UMPS: variants seen among roughly 807,000 people sequenced by gnomAD.
UMPS encodes uridine monophosphate synthetase.
In UMPS, 21 loss-of-function variants were observed where a neutral mutation model predicts 38.9. The observed-to-expected ratio is 0.54, with a 90% CI of 0.38 to 0.78. The LOEUF (loss-of-function observed/expected upper bound fraction) is 0.78. UMPS is among the 30% of genes least tolerant of loss of function. UMPS has a pLI of 0.00. For missense variants in UMPS, 533 were observed against 591.6 expected, an observed-to-expected ratio of 0.90 and a Z score of 1.03; for synonymous variants, 208 against 219.3, an observed-to-expected ratio of 0.95 and a Z score of 0.45.
chr3:124,734,139 A>G (rs2063499976), intron 1 of UMPS, among the ~76,000 whole-genome samples: 1 of 152,160 alleles, frequency 6.6e-6, no homozygotes, highest in African/African-American at 2.4e-5. Context: ...AGTACTAGAA[A>G]TTACATTCTC....
chr3:124,738,175 G>A lies in UMPS; in HGVS notation c.918G>A (p.Glu306=), dbSNP rs754267182. Residue 306 remains glutamate (E), a synonymous_variant, in exon 3 of 6, where the codon GAG becomes GAA. Coordinates refer to ENST00000232607, the MANE Select transcript of UMPS (RefSeq NM_000373.4). ...TGATAACTCTGGCAAAATGCCATGAGTTCTTGATATTTGAAGACCGGAAGT... is the reference window on the plus strand; with the variant it reads ...TGATAACTCTGGCAAAATGCCATGAATTCTTGATATTTGAAGACCGGAAGT... ...KELITLAKCH[E]FLIFEDRKFA... is the part of the protein sequence containing the mutation. 1.2e-6 allele frequency: 2 copies of A among 1,614,190 alleles called. No homozygotes were observed. Among genetic ancestry groups the A allele is most frequent in the East Asian group, 2.2e-5 (1 of 44,890 alleles).
rs570945751 is a variant in UMPS at position 124,744,951 on chromosome 3, CT to C, written c.*868del. On this transcript the variant is annotated 3_prime_UTR_variant, in exon 6 of 6. Transcript: ENST00000232607. ...GGGGAAGGTGACTATAGCTCAGCTC[CT>C]GAGCTAGTATCTGGCTGTTATTTCA... The C allele has an allele frequency of 3.6e-3, 1,655 of 454,076 alleles. 5 individuals are homozygous for C. The highest frequency in any genetic ancestry group is 5.2e-3 in the Non-Finnish European group (1,184 of 226,786). The allele number at this position is 454,076 out of a possible 1,614,324, so 28.1% of individuals were successfully genotyped here. A position where few individuals can be genotyped will look rare whatever the true frequency, so the allele number is the denominator to read the frequency against.
intron 1 of UMPS, among the ~76,000 whole-genome samples, chr3:124,734,185 T>C (rs34062648): frequency 6.6e-6 from 1 of 151,890 alleles, no homozygotes; most frequent in Non-Finnish European, 1.5e-5. Flanking sequence ...TTTTTGTTTG[T>C]TTTTTTACTC....
chr3:124,744,205 T>G lies in UMPS; in HGVS notation c.*121T>G. The G allele has an allele frequency of 4.3e-6, 5 of 1,172,882 alleles. No homozygotes were observed. Among genetic ancestry groups the G allele is most frequent in the Non-Finnish European group, 6.2e-6 (5 of 806,776 alleles). 72.7% of individuals were successfully genotyped at this position (1,172,882 alleles called of 1,614,324 possible). On this transcript the variant is annotated 3_prime_UTR_variant, in exon 6 of 6. Transcript: ENST00000232607. ...CTTGGATTCTTCCACAGGGCCTGTG[T>G]AAGAATGGGTTCTGGAGTTCTCATG... is the stretch of plus-strand genomic sequence containing the variant.
intron 3 of UMPS, 22 bp from the exon 4 acceptor site, chr3:124,740,002 C>CT (rs777311102): frequency 7.4e-6 from 12 of 1,613,234 alleles, no homozygotes; most frequent in South Asian, 1.1e-5. Context: ...CAGCAAATAT[C>CT]TTTTTTCCCC....
At position 124,733,090 on chromosome 3, in the gene UMPS, A is replaced by C. The variant is rs1180620610; in HGVS notation, c.157-2003A>C. On this transcript the variant is annotated intron_variant, in intron 1 of 5. Coordinates refer to ENST00000232607, the MANE Select transcript of UMPS (RefSeq NM_000373.4). Reference sequence around the variant, plus strand: ...ACATCTTATGCGAATAGAATTTCTCAGTATTTACACCCCAAAAAGCAATAT... The same window carrying C: ...ACATCTTATGCGAATAGAATTTCTCCGTATTTACACCCCAAAAAGCAATAT... 2.0e-5 allele frequency among the ~76,000 whole-genome samples: 3 copies of C among 151,930 alleles called. No individual in the cohort carries two copies. The South Asian group carries it at 6.2e-4, about 32-fold the overall frequency.
intron 1 of UMPS, among the ~76,000 whole-genome samples, chr3:124,731,879 A>AG (rs1050414436): frequency 8.3e-6 from 1 of 121,022 alleles, no homozygotes; most frequent in Non-Finnish European, 1.8e-5. Flanking sequence ...AGACTGTCTC[A>AG]GAAAAAAAAA....
At position 124,746,134 on chromosome 3, in the gene UMPS, T is replaced by C; in HGVS notation, c.*2050T>C. On this transcript the variant is annotated 3_prime_UTR_variant, in exon 6 of 6. Transcript: ENST00000232607. The stretch of plus-strand genomic sequence containing the variant: ...CTAAGAGTCACATGCTCCTGTCCTT[T>C]AGAAATGTGGGCTCCTGCCATCTCC... 2.2e-6 allele frequency: 1 copy of C among 454,046 alleles called. No individual in the cohort carries two copies. The highest frequency in any genetic ancestry group is 1.6e-5 in the South Asian group (1 of 64,480). 28.1% of individuals were successfully genotyped at this position (454,046 alleles called of 1,614,324 possible).
intron 5 of UMPS, 103 bp from the exon 6 acceptor site, chr3:124,743,812 A>G: frequency 1.4e-6 from 2 of 1,441,908 alleles, no homozygotes; most frequent in Non-Finnish European, 1.9e-6. Context: ...AAGTAGGGGC[A>G]TGTTTTTATT....
rs763628618 is a variant in UMPS at position 124,738,146 on chromosome 3, G to A, written c.889G>A (p.Glu297Lys). 21 of 1,614,098 alleles carry A rather than the reference G, an allele frequency of 1.3e-5. No individual in the cohort carries two copies. The Admixed American group carries it at 3.0e-4, about 23-fold the overall frequency. ...TGATTTTACTCTGGATGTGATGAAG[G>A]AGTTGATAACTCTGGCAAAATGCCA... ...LNDFTLDVMKELITLAKCHEF... is the reference protein window; with the variant it reads ...LNDFTLDVMKKLITLAKCHEF... The change falls in exon 3 of 6, where the codon GAG (glutamate) becomes AAG (lysine). Residue 297 changes from glutamate to lysine, a missense_variant. Glu to Lys is a moderately conservative substitution (Grantham distance 56). Coordinates refer to ENST00000232607, the MANE Select transcript of UMPS (RefSeq NM_000373.4).
chr3:124,745,470 TCTC>T lies in UMPS; in HGVS notation c.*1389_*1391del, dbSNP rs774263078. ...CTTCTGCCTCTCTGGTTCAAGCAGT[TCTC>T]CTGCCTCAGCCTCCCGAGTAGCTGG... On this transcript the variant is annotated 3_prime_UTR_variant, in exon 6 of 6. Coordinates refer to ENST00000232607, the MANE Select transcript of UMPS (RefSeq NM_000373.4). 8 of 453,820 alleles carry T rather than the reference TCTC, an allele frequency of 1.8e-5. No individual in the cohort carries two copies. The highest frequency in any genetic ancestry group is 9.4e-5 in the Admixed American group (4 of 42,540). 28.1% of individuals were successfully genotyped at this position (453,820 alleles called of 1,614,324 possible).
chr3:124,730,670 A>G (rs745947387), intron 1 of UMPS, 43 bp downstream of exon 1: 1 of 1,597,124 alleles, frequency 6.3e-7, no homozygotes, highest in South Asian at 1.1e-5. Flanking sequence ...GGTGGCGGGA[A>G]GGAGGACAAG....
At chr3:124,732,882 A>G (rs754746852) in intron 1 of UMPS, among the ~76,000 whole-genome samples, 9 of 152,148 alleles carry the variant, frequency 5.9e-5, no homozygotes, top group Admixed American at 5.9e-4. Context: ...GTGGAGAATT[A>G]CTAAGGATTT....
intron 3 of UMPS, among the ~76,000 whole-genome samples, 179 bp from the exon 4 acceptor site, chr3:124,739,845 A>G (rs1205867168): frequency 6.6e-6 from 1 of 152,098 alleles, no homozygotes; most frequent in African/African-American, 2.4e-5. Context: ...AATAACAGAT[A>G]CAGTTTTCAC....
chr3:124,734,902 T>C (rs1017908711), intron 1 of UMPS, among the ~76,000 whole-genome samples, 191 bp from the exon 2 acceptor site: 3 of 152,150 alleles, frequency 2.0e-5, no homozygotes, highest in African/African-American at 7.2e-5. Context: ...GCGCCTGTAA[T>C]CTCAGCTCCT....
rs756818678 is a variant in UMPS, at chr3:124,742,253, G to A, written c.1260G>A (p.Gln420=). ...TTCTTCACTTGACTCCAGGAGTTCA[G>A]TTGGAAGCAGGAGGTAAATCTGGTC... ...PEFLHLTPGV[Q]LEAGGDNLGQ... The change falls in exon 5 of 6, where the codon CAG becomes CAA. Residue 420 remains glutamine (Q), a synonymous_variant. Transcript: ENST00000232607. 5.6e-6 allele frequency: 9 copies of A among 1,613,882 alleles called. No individual in the cohort carries two copies. The Admixed American group carries it at 1.3e-4, about 24-fold the overall frequency.
chr3:124,746,755 T>TA lies in UMPS; in HGVS notation c.*2671_*2672insA. 2.4e-6 allele frequency: 1 copy of TA among 418,994 alleles called. No homozygotes were observed. The highest frequency in any genetic ancestry group is 4.8e-6 in the Non-Finnish European group (1 of 208,476). 26.0% of individuals were successfully genotyped at this position (418,994 alleles called of 1,614,324 possible). A position where few individuals can be genotyped will look rare whatever the true frequency, so the allele number is the denominator to read the frequency against. ...ATTCTGTAGAACATAAGCCCATAGA[T>TA]TGTGTGTGTGTGTGTGTGTGTGTGT... On this transcript the variant is annotated 3_prime_UTR_variant, in exon 6 of 6. Transcript: ENST00000232607.
chr3:124,734,346 A>G (rs17843800), intron 1 of UMPS, among the ~76,000 whole-genome samples: 7,998 of 152,244 alleles, frequency 0.053, 289 homozygotes, highest in Non-Finnish European at 0.08. Flanking sequence ...AGATTATAAA[A>G]TAGCAATTCA....
intron 5 of UMPS, 148 bp from the exon 6 acceptor site, chr3:124,743,767 T>C: frequency 1.1e-6 from 1 of 899,778 alleles, no homozygotes; most frequent in Non-Finnish European, 1.7e-6. Context: ...CTTCAGCTCC[T>C]GTTTTTACGC....
Sources: gnomAD v4.1 joint callset for allele counts (sites outside exome capture counted in the v4.1 genomes callset) on GRCh38, gnomAD v4.1.1 for gene constraint, MANE v1.5 for transcripts, NCBI Gene and HGNC (gene_info 2026-07-23, HGNC 2026-07-21) for gene names.